Variants in PDE3A observed in about 807,000 individuals in gnomAD.
PDE3A encodes the protein phosphodiesterase 3A, also known as cGMP-inhibited 3',5'-cyclic phosphodiesterase 3A.
A neutral mutation model predicts 98.3 loss-of-function variants in PDE3A; 43 were observed. That is an observed-to-expected ratio of 0.44 (90% CI 0.34 to 0.56). The LOEUF is 0.56. PDE3A is among the 20% of genes least tolerant of loss of function. PDE3A has a pLI of 0.01. For missense variants in PDE3A, 1,427 were observed against 1,440.7 expected (o/e 0.99, Z 0.15); for synonymous variants, 663 against 567.9 (o/e 1.17, Z -2.38).
intron 1 of PDE3A, among the ~76,000 whole-genome samples, chr12:20,413,754 T>G (rs1449199967): frequency 2.6e-5 from 4 of 152,128 alleles, no homozygotes; most frequent in Non-Finnish European, 5.9e-5. Context: ...GTGTGATTTG[T>G]GTTTTAAAGT....
chr12:20,620,977 AAAT>A (rs1944120214), intron 4 of PDE3A, among the ~76,000 whole-genome samples: 1 of 152,104 alleles, frequency 6.6e-6, no homozygotes. Context: ...CTCTTTTAGA[AAAT>A]CTGTGAGGAA....
intron 1 of PDE3A, among the ~76,000 whole-genome samples, chr12:20,533,365 C>T (rs1441153679): frequency 6.6e-6 from 1 of 151,902 alleles, no homozygotes. Context: ...TCTGCCTTGA[C>T]TCAAGACCTC....
At chr12:20,520,860 GTACT>G (rs1247687929) in intron 1 of PDE3A, among the ~76,000 whole-genome samples, 4 of 152,136 alleles carry the variant, frequency 2.6e-5, no homozygotes, top group Non-Finnish European at 5.9e-5. Flanking sequence ...TCTCTGCTTT[GTACT>G]TGGCAACCCA....
chr12:20,465,545 G>T (rs941896534), intron 1 of PDE3A, among the ~76,000 whole-genome samples: 1 of 152,034 alleles, frequency 6.6e-6, no homozygotes, highest in African/African-American at 2.4e-5. Context: ...CGAGTAGCGG[G>T]ACTACAGGTG....
intron 2 of PDE3A, among the ~76,000 whole-genome samples, chr12:20,598,156 AC>A (rs991765457): frequency 4.6e-5 from 7 of 151,412 alleles, no homozygotes; most frequent in Non-Finnish European, 1.0e-4. Context: ...AAATTTACTG[AC>A]TTTTATTTCT....
In PDE3A at chr12:20,684,093, G is replaced by T. The variant is rs983709529; in HGVS notation, c.*3822G>T. The stretch of plus-strand genomic sequence containing the variant: ...TCATTATAAATAAAGTCTAAAGTTT[G>T]AAATTATTAATTTATAAAAGTGAAC... On this transcript the variant is annotated 3_prime_UTR_variant, in exon 16 of 16. Coordinates refer to ENST00000359062, the MANE Select transcript of PDE3A (RefSeq NM_000921.5). 6.6e-6 allele frequency: 1 copy of T among 152,080 alleles called. No individual in the cohort carries two copies. The highest frequency in any genetic ancestry group is 1.5e-5 in the Non-Finnish European group (1 of 67,994). 9.4% of individuals were successfully genotyped at this position (152,080 alleles called of 1,614,324 possible).
chr12:20,380,035 TGAGA>T (rs984087610), intron 1 of PDE3A, among the ~76,000 whole-genome samples: 1 of 151,814 alleles, frequency 6.6e-6, no homozygotes, highest in African/African-American at 2.4e-5. Context: ...ACTAATAAAT[TGAGA>T]GAGAACAAAC....
rs529179470 is a variant in PDE3A, at chr12:20,540,674, A to C, written c.961-15986A>C. Among the ~76,000 whole-genome samples the C allele has an allele frequency of 5.3e-5, 8 of 152,162 alleles. No homozygotes were observed. The South Asian group carries it at 1.7e-3, about 32-fold the overall frequency. ...GTGTTTCTGTTCATGTTTATGGAGA[A>C]ATTTAAGAATTAGAATTGTGATTCT... On this transcript the variant is annotated intron_variant, in intron 1 of 15. Coordinates refer to ENST00000359062, the MANE Select transcript of PDE3A (RefSeq NM_000921.5).
intron 10 of PDE3A, among the ~76,000 whole-genome samples, chr12:20,645,967 G>A (rs1373885297): frequency 1.3e-5 from 2 of 152,126 alleles, no homozygotes; most frequent in African/African-American, 4.8e-5. Flanking sequence ...AATTTTGCTT[G>A]TGGATGAAAT....
intron 15 of PDE3A, among the ~76,000 whole-genome samples, chr12:20,676,967 TTTC>T (rs1453257801): frequency 6.6e-6 from 1 of 152,208 alleles, no homozygotes; most frequent in Non-Finnish European, 1.5e-5. Context: ...TCCCTTTTAT[TTTC>T]TTTTCACCTT....
At chr12:20,673,699 G>A (rs1311748446) in intron 15 of PDE3A, among the ~76,000 whole-genome samples, 1 of 128,832 alleles carries the variant, frequency 7.8e-6, no homozygotes, top group African/African-American at 2.9e-5. Context: ...GGACTGTTGT[G>A]GGGTGGGGGG....
rs138359943 is a variant in PDE3A at position 20,639,878 on chromosome 12, C to T, written c.2172C>T (p.Leu724=). Residue 724 remains leucine (L), a synonymous_variant, in exon 10 of 16, where the codon CTC becomes CTT. Transcript: ENST00000359062. ...VSYRLFEDMG[L]FEAFKIPIRE... is the part of the protein sequence containing the mutation. ...ACAGACTTTTTGAAGACATGGGCCTCTTTGAAGCTTTTAAAATTCCAATTA... is the reference window on the plus strand; with the variant it reads ...ACAGACTTTTTGAAGACATGGGCCTTTTTGAAGCTTTTAAAATTCCAATTA... 1 of 1,585,116 alleles carries T rather than the reference C, an allele frequency of 6.3e-7. No individual in the cohort carries two copies. The highest frequency in any genetic ancestry group is 1.1e-5 in the South Asian group (1 of 90,398).
chr12:20,631,316 T>C (rs950251437), intron 6 of PDE3A, among the ~76,000 whole-genome samples: 1 of 152,208 alleles, frequency 6.6e-6, no homozygotes, highest in Admixed American at 6.5e-5. Flanking sequence ...ACATCCCTGT[T>C]AGAAATTCAC....
In PDE3A at chr12:20,635,050, G is replaced by A. The variant is rs1011477907; in HGVS notation, c.1995G>A (p.Met665Ile). Reference protein sequence around the residue: ...ACSTYAPETMMFLDKPILAPE... With the variant: ...ACSTYAPETMIFLDKPILAPE... ...GCACCTATGCTCCTGAGACCATGATGTTTCTGGTAGTCCCATATCACTTAA... is the reference window on the plus strand; with the variant it reads ...GCACCTATGCTCCTGAGACCATGATATTTCTGGTAGTCCCATATCACTTAA... The change falls in exon 8 of 16, where the codon ATG becomes ATA. Residue 665 changes from methionine to isoleucine, a missense_variant. Met to Ile is a conservative substitution (Grantham distance 10). Transcript: ENST00000359062. 14 of 1,610,826 alleles carry A rather than the reference G, an allele frequency of 8.7e-6. No individual in the cohort carries two copies. Among genetic ancestry groups the A allele is most frequent in the African/African-American group, 2.7e-5 (2 of 74,734 alleles).
intron 2 of PDE3A, among the ~76,000 whole-genome samples, chr12:20,559,023 T>A (rs910454103): frequency 6.6e-6 from 1 of 152,194 alleles, no homozygotes; most frequent in African/African-American, 2.4e-5. Context: ...CAGCAATATT[T>A]GTATATATAA....
chr12:20,533,490 T>G (rs897510861), intron 1 of PDE3A, among the ~76,000 whole-genome samples: 11 of 150,630 alleles, frequency 7.3e-5, no homozygotes, highest in Non-Finnish European at 1.3e-4. Flanking sequence ...TTTTTTTTTT[T>G]TTTTGTTTTG....
intron 1 of PDE3A, among the ~76,000 whole-genome samples, chr12:20,541,534 G>C (rs1184112734): frequency 6.6e-6 from 1 of 152,024 alleles, no homozygotes; most frequent in African/African-American, 2.4e-5. Context: ...GAAGTACCTG[G>C]TTAATTATTT....
At chr12:20,643,769 C>A (rs567094819) in intron 10 of PDE3A, among the ~76,000 whole-genome samples, 1 of 151,888 alleles carries the variant, frequency 6.6e-6, no homozygotes, top group East Asian at 1.9e-4. Flanking sequence ...CTTGTATTTT[C>A]GGCACTAGAT....
chr12:20,511,351 G>C (rs1017089651), intron 1 of PDE3A, among the ~76,000 whole-genome samples: 1 of 151,704 alleles, frequency 6.6e-6, no homozygotes, highest in South Asian at 2.1e-4. Flanking sequence ...ATCTAGGGCT[G>C]GTTCAGGAAT....
Sources: gnomAD v4.1 joint callset for allele counts (sites outside exome capture counted in the v4.1 genomes callset) on GRCh38, gnomAD v4.1.1 for gene constraint, MANE v1.5 for transcripts, NCBI Gene and HGNC (gene_info 2026-07-23, HGNC 2026-07-21) for gene names.